The following BCAS3 variants were observed in gnomAD, a reference collection of about 807,000 sequenced individuals.
The protein encoded by BCAS3 is BCAS4/BCAS3 fusion.
In BCAS3, 53 loss-of-function variants were observed where a neutral mutation model predicts 116.1. The observed-to-expected ratio is 0.46, with a 90% CI of 0.37 to 0.57. The LOEUF (loss-of-function observed/expected upper bound fraction) is 0.57. BCAS3 is among the 20% of genes least tolerant of loss of function. The pLI is 0.00. For synonymous variants in BCAS3, 391 were observed against 408.2 expected (o/e 0.96, Z 0.51); for missense variants, 917 against 1,165.4 (o/e 0.79, Z 3.10).
At chr17:61,078,149 A>G (rs2072208515) in intron 20 of BCAS3, among the ~76,000 whole-genome samples, 184 bp from the exon 21 acceptor site, 1 of 152,306 alleles carries the variant, frequency 6.6e-6, no homozygotes, top group East Asian at 1.9e-4. Context: ...CAGTAGAGGG[A>G]TATTTTGAAT....
At chr17:61,172,764 T>C (rs1356066065) in intron 22 of BCAS3, among the ~76,000 whole-genome samples, 1 of 151,694 alleles carries the variant, frequency 6.6e-6, no homozygotes, top group Non-Finnish European at 1.5e-5. Context: ...GGCGGGCGGA[T>C]CACGAGGTCC....
chr17:61,135,208 T>C (rs1162552695), intron 22 of BCAS3, among the ~76,000 whole-genome samples: 1 of 152,204 alleles, frequency 6.6e-6, no homozygotes, highest in Admixed American at 6.5e-5. Flanking sequence ...TATCTGGTAC[T>C]TTTTGTCACT....
Position 60,972,490 on chromosome 17 carries a change from G to A in BCAS3, c.1222-17481G>A, listed in dbSNP as rs547943379. On this transcript the variant is annotated intron_variant, in intron 14 of 23. Coordinates refer to ENST00000407086, the MANE Select transcript of BCAS3 (RefSeq NM_017679.5). ...TTGAGACAGGGTCTTGCTCTGTCAC[G>A]TAGGCTAGAGTGTAGTAGTGCAATC... Among the ~76,000 whole-genome samples, 180 of 134,438 alleles carry A rather than the reference G, an allele frequency of 1.3e-3. No individual in the cohort carries two copies. The Middle Eastern group carries it at 0.024, about 18-fold the overall frequency. The allele number at this position is 134,438 out of a possible 152,430, so 88.2% of individuals were successfully genotyped here. A position where few individuals can be genotyped will look rare whatever the true frequency, so the allele number is the denominator to read the frequency against.
At position 61,046,056 on chromosome 17, in the gene BCAS3, A is replaced by AT. The variant is rs1206730487; in HGVS notation, c.2029+5166dup. Among the ~76,000 whole-genome samples the AT allele has an allele frequency of 8.4e-4, 16 of 19,010 alleles. 5 individuals are homozygous for AT. In the African/African-American group the frequency reaches 9.5e-3, roughly 11 times the overall value. The allele number at this position is 19,010 out of a possible 152,430, so 12.5% of individuals were successfully genotyped here. On this transcript the variant is annotated intron_variant, in intron 19 of 23. Transcript: ENST00000407086. ...ATATTTATATATATATAATATATAT[A>AT]TTATATATATATAATATATATATAT...
chr17:60,809,608 G>T (rs1457847916), intron 7 of BCAS3, among the ~76,000 whole-genome samples: 2 of 152,164 alleles, frequency 1.3e-5, no homozygotes, highest in Admixed American at 6.5e-5. Flanking sequence ...TGAGTGGCAG[G>T]TATTGCATAT....
Position 60,990,366 on chromosome 17 carries a change from T to A in BCAS3, c.1486+131T>A. 1.1e-6 allele frequency: 1 copy of A among 946,594 alleles called. No homozygotes were observed. The highest frequency in any genetic ancestry group is 1.5e-6 in the Non-Finnish European group (1 of 662,938). 58.6% of individuals were successfully genotyped at this position (946,594 alleles called of 1,614,324 possible). A position where few individuals can be genotyped will look rare whatever the true frequency, so the allele number is the denominator to read the frequency against. ...AGAAGATCTTAGGCTTATATGAAAT[T>A]CTTAATTATTAAATAATTTAATAAA... On this transcript the variant is annotated intron_variant, in intron 15 of 23. Coordinates refer to ENST00000407086, the MANE Select transcript of BCAS3 (RefSeq NM_017679.5). This position sits in a 1 kb window ranked among gnomAD's most constrained non-coding sequence, Gnocchi z 5.1.
intron 7 of BCAS3, among the ~76,000 whole-genome samples, chr17:60,823,712 C>T (rs2050148560): frequency 6.6e-6 from 1 of 152,086 alleles, no homozygotes; most frequent in African/African-American, 2.4e-5. Flanking sequence ...AAAATAGTCA[C>T]GGTGTTTGAG....
Position 60,689,717 on chromosome 17 carries a change from A to G in BCAS3, c.170A>G (p.Lys57Arg), listed in dbSNP as rs1448053197. The G allele has an allele frequency of 3.1e-6, 5 of 1,608,730 alleles. No individual in the cohort carries two copies. The highest frequency in any genetic ancestry group is 8.5e-7 in the Non-Finnish European group (1 of 1,175,602). The change falls in exon 4 of 24, where the codon AAG becomes AGG. Residue 57 changes from lysine to arginine, a missense_variant. Coordinates refer to ENST00000407086, the MANE Select transcript of BCAS3 (RefSeq NM_017679.5). Reference protein sequence around the residue: ...AYSGTPLTEEKEKIVWVRFEN... With the variant: ...AYSGTPLTEEREKIVWVRFEN... Reference sequence around the variant, plus strand: ...AGTGGAACACCTCTAACAGAAGAAAAGGAGAAAATAGTCTGGGTCAGATTT... The same window carrying G: ...AGTGGAACACCTCTAACAGAAGAAAGGGAGAAAATAGTCTGGGTCAGATTT...
intron 22 of BCAS3, among the ~76,000 whole-genome samples, chr17:61,206,295 C>T (rs74731388): frequency 0.022 from 3,375 of 152,210 alleles, 138 homozygotes; most frequent in African/African-American, 0.077. Flanking sequence ...AGGCATTCTG[C>T]GTTCATCGTG....
At chr17:60,778,235 A>G (rs2045489575) in intron 6 of BCAS3, among the ~76,000 whole-genome samples, 1 of 151,770 alleles carries the variant, frequency 6.6e-6, no homozygotes, top group South Asian at 2.1e-4. Context: ...TAAATCTGTA[A>G]CACTATGGTC....
At chr17:61,237,539 GT>G (rs1372717496) in intron 22 of BCAS3, among the ~76,000 whole-genome samples, 1 of 152,210 alleles carries the variant, frequency 6.6e-6, no homozygotes, top group Non-Finnish European at 1.5e-5. Flanking sequence ...GCTGCTCACT[GT>G]TTGGGTCCTT....
At chr17:61,015,657 G>A in intron 15 of BCAS3, 94 bp from the exon 16 acceptor site, 9 of 1,259,188 alleles carry the variant, frequency 7.1e-6, no homozygotes, top group Non-Finnish European at 1.0e-5. Context: ...TTTCTTAAAT[G>A]ATTACTGGAG....
intron 6 of BCAS3, among the ~76,000 whole-genome samples, chr17:60,784,557 C>T (rs1231349502): frequency 6.6e-6 from 1 of 151,518 alleles, no homozygotes; most frequent in Non-Finnish European, 1.5e-5. Flanking sequence ...CTCACCTCAG[C>T]CTCCCAAAGT....
chr17:61,157,369 C>T (rs1014965262), intron 22 of BCAS3: 1 of 152,198 alleles, frequency 6.6e-6, no homozygotes, highest in Non-Finnish European at 1.5e-5. Flanking sequence ...TACTATCCCA[C>T]TTTCCTTTCT....
At chr17:60,840,696 C>T (rs1232878473) in intron 7 of BCAS3, among the ~76,000 whole-genome samples, 1 of 152,090 alleles carries the variant, frequency 6.6e-6, no homozygotes, top group Non-Finnish European at 1.5e-5. Context: ...GTGTTTACAA[C>T]ATGTTTGGTA....
chr17:60,752,831 C>T (rs1188251959), intron 6 of BCAS3, among the ~76,000 whole-genome samples: 1 of 151,946 alleles, frequency 6.6e-6, no homozygotes. Flanking sequence ...GCAGAAAATC[C>T]TATTCATATG....
In BCAS3 at chr17:61,023,963, TG is replaced by T. The variant is rs1418832788; in HGVS notation, c.1637+8065del. On this transcript the variant is annotated intron_variant, in intron 16 of 23. Coordinates refer to ENST00000407086, the MANE Select transcript of BCAS3 (RefSeq NM_017679.5). The surrounding 1 kb of genome is among the most constrained non-coding windows in gnomAD (Gnocchi z 4.8). The stretch of plus-strand genomic sequence containing the variant: ...TTATTCGAGTTTGAATATAGTAATT[TG>T]GGTTGCCTCTGTTAATACAGAGAAT... Among the ~76,000 whole-genome samples the T allele has an allele frequency of 6.6e-6, 1 of 152,178 alleles. No homozygotes were observed. The highest frequency in any genetic ancestry group is 2.4e-5 in the African/African-American group (1 of 41,450).
rs1481742391 is a variant in BCAS3 at position 61,248,069 on chromosome 17, A to C, written c.2426-120258A>C. ...TTAGGATGCTTTTCTGAATTTTTCC[A>C]CATCTCTTTGGTTTGGATGTTGACT... On this transcript the variant is annotated intron_variant, in intron 22 of 23. Transcript: ENST00000407086. This position sits in a 1 kb window ranked among gnomAD's most constrained non-coding sequence, Gnocchi z 4.3. 2.0e-5 allele frequency among the ~76,000 whole-genome samples: 3 copies of C among 152,160 alleles called. No homozygotes were observed. Among genetic ancestry groups the C allele is most frequent in the Admixed American group, 2.0e-4 (3 of 15,278 alleles).
At chr17:60,710,805 CT>C (rs547993917) in intron 5 of BCAS3, among the ~76,000 whole-genome samples, 482 of 134,784 alleles carry the variant, frequency 3.6e-3, no homozygotes, top group Non-Finnish European at 3.3e-3. Context: ...CCATTCTGTT[CT>C]TTTTTTTTTT....
Sources: gnomAD v4.1 joint callset for allele counts (sites outside exome capture counted in the v4.1 genomes callset) on GRCh38, gnomAD v4.1.1 for gene constraint, Gnocchi (gnomAD v3.1) non-coding constraint, MANE v1.5 for transcripts, NCBI Gene and HGNC (gene_info 2026-07-23, HGNC 2026-07-21) for gene names.